CLVS1: variants seen among roughly 807,000 people sequenced by gnomAD.
CLVS1 encodes the protein clavesin-1.
Under a neutral mutation model 33.1 loss-of-function variants are expected in CLVS1, and 10 were observed. That is an observed-to-expected ratio of 0.30 (90% CI 0.19 to 0.51). The LOEUF (loss-of-function observed/expected upper bound fraction) is 0.51. CLVS1 is among the 20% of genes least tolerant of loss of function. The pLI, the probability that CLVS1 is intolerant of heterozygous loss-of-function variation, is 0.97. For synonymous variants in CLVS1, 163 were observed against 166.1 expected (o/e 0.98, Z 0.14); for missense variants, 343 against 433.4 (o/e 0.79, Z 1.85).
intron 3 of CLVS1, among the ~76,000 whole-genome samples, chr8:61,441,995 C>T (rs1022736017): frequency 1.3e-5 from 2 of 152,034 alleles, no homozygotes; most frequent in African/African-American, 4.8e-5. Flanking sequence ...CAGAAAAGAC[C>T]ATCCTTCTTT....
intron 2 of CLVS1, among the ~76,000 whole-genome samples, chr8:61,217,180 G>T (rs1397462073): frequency 1.3e-5 from 2 of 152,046 alleles, no homozygotes. Flanking sequence ...ACTATAGGTG[G>T]ATTTTGTTTT....
At chr8:61,230,985 C>A (rs965823520) in intron 2 of CLVS1, among the ~76,000 whole-genome samples, 5 of 152,076 alleles carry the variant, frequency 3.3e-5, no homozygotes, top group African/African-American at 1.2e-4. Flanking sequence ...GCCCTTATGA[C>A]CTAATCACCT....
At chr8:60,968,092 G>A in the CLVS1 span, among the ~76,000 whole-genome samples, 4 of 152,112 alleles carry the variant, frequency 2.6e-5, no homozygotes, top group East Asian at 7.7e-4. Flanking sequence ...GCCTGCCCCT[G>A]GCGAATTGTT....
At chr8:61,261,467 GAC>G (rs1176812147) in intron 2 of CLVS1, among the ~76,000 whole-genome samples, 3 of 152,164 alleles carry the variant, frequency 2.0e-5, no homozygotes, top group Admixed American at 1.3e-4. Context: ...AATCCAGAAA[GAC>G]ACAAAGTCCT....
intron 5 of CLVS1, among the ~76,000 whole-genome samples, chr8:61,472,697 T>C (rs1817774004): frequency 6.6e-6 from 1 of 152,206 alleles, no homozygotes; most frequent in South Asian, 2.1e-4. Context: ...TCATTGAGTA[T>C]ACATTATACA....
intron 3 of CLVS1, among the ~76,000 whole-genome samples, chr8:61,417,508 T>G (rs1018415049): frequency 4.6e-5 from 7 of 152,168 alleles, no homozygotes; most frequent in Non-Finnish European, 8.8e-5. Flanking sequence ...CAACTACAGG[T>G]GCACTGAATT....
intron 5 of CLVS1, among the ~76,000 whole-genome samples, chr8:61,490,088 G>A (rs1375456646): frequency 6.6e-6 from 1 of 151,780 alleles, no homozygotes; most frequent in African/African-American, 2.4e-5. Context: ...GGCCAAGGTG[G>A]GTGGATCACT....
chr8:61,155,007 T>C (rs1806622238), intron 2 of CLVS1, among the ~76,000 whole-genome samples: 1 of 152,178 alleles, frequency 6.6e-6, no homozygotes, highest in African/African-American at 2.4e-5. Flanking sequence ...CATGTGTTTG[T>C]GTGTGCGTGG....
intron 2 of CLVS1, among the ~76,000 whole-genome samples, chr8:61,242,002 C>T (rs1225650023): frequency 6.6e-6 from 1 of 151,594 alleles, no homozygotes; most frequent in Non-Finnish European, 1.5e-5. Flanking sequence ...TTTTTCTAAA[C>T]GTGCAGTCAT....
At chr8:61,415,278 G>C (rs1024460495) in intron 3 of CLVS1, among the ~76,000 whole-genome samples, 9 of 152,224 alleles carry the variant, frequency 5.9e-5, no homozygotes, top group African/African-American at 1.9e-4. Flanking sequence ...CCTCTGAGTG[G>C]TGGCCCAGGT....
chr8:61,100,211 A>G (rs1475699571), intron 1 of CLVS1, among the ~76,000 whole-genome samples: 1 of 152,204 alleles, frequency 6.6e-6, no homozygotes, highest in Non-Finnish European at 1.5e-5. Context: ...GACAACTTGC[A>G]TGATTAGGAC....
chr8:60,978,211 AAAAG>A, the CLVS1 span, among the ~76,000 whole-genome samples: 38 of 152,378 alleles, frequency 2.5e-4, no homozygotes, highest in Non-Finnish European at 4.9e-4. Context: ...AGCCATAAGA[AAAAG>A]AAAGAGCACT....
chr8:61,088,533 T>G (rs1441057022), intron 1 of CLVS1, among the ~76,000 whole-genome samples: 2 of 151,734 alleles, frequency 1.3e-5, no homozygotes, highest in Non-Finnish European at 2.9e-5. Context: ...CAATTTTCCG[T>G]TAATAGATAC....
chr8:61,223,059 GC>G (rs2129310175), intron 2 of CLVS1, among the ~76,000 whole-genome samples: 1 of 150,302 alleles, frequency 6.7e-6, no homozygotes, highest in African/African-American at 2.5e-5. Flanking sequence ...TTTAATTTGA[GC>G]CTGTGTGTGT....
intron 2 of CLVS1, among the ~76,000 whole-genome samples, chr8:61,355,535 G>A (rs1308677093): frequency 6.6e-6 from 1 of 151,976 alleles, no homozygotes; most frequent in Non-Finnish European, 1.5e-5. Context: ...TTTAGCATTA[G>A]GTATATCTCC....
chr8:61,270,666 C>T (rs533256531), intron 2 of CLVS1, among the ~76,000 whole-genome samples: 66 of 152,092 alleles, frequency 4.3e-4, no homozygotes, highest in Non-Finnish European at 8.7e-4. Context: ...GGTTGGTAAG[C>T]TATGGATTAT....
chr8:61,484,499 A>G (rs991754005), intron 5 of CLVS1, among the ~76,000 whole-genome samples: 44 of 152,310 alleles, frequency 2.9e-4, no homozygotes, highest in African/African-American at 1.0e-3. Flanking sequence ...AATCAATATC[A>G]TGAAAATGGC....
chr8:61,439,407 C>A (rs531673921), intron 3 of CLVS1, among the ~76,000 whole-genome samples: 15 of 152,260 alleles, frequency 9.9e-5, no homozygotes, highest in African/African-American at 3.6e-4. Flanking sequence ...ATTTTTATGG[C>A]AAATTAAGTT....
chr8:61,334,826 C>T (rs148445548), intron 2 of CLVS1, among the ~76,000 whole-genome samples: 89 of 152,270 alleles, frequency 5.8e-4, no homozygotes, highest in African/African-American at 1.9e-3. Flanking sequence ...GCTGCCTAGA[C>T]AGAGCCGATT....
Sources: allele counts gnomAD v4.1 joint callset (sites outside exome capture counted in the v4.1 genomes callset), GRCh38; gene constraint gnomAD v4.1.1; transcripts MANE v1.5; gene names NCBI Gene and HGNC (gene_info 2026-07-23, HGNC 2026-07-21).